Variants in RB1 observed in about 807,000 individuals in gnomAD.
RB1 encodes the protein retinoblastoma-associated protein.
In RB1, 18 loss-of-function variants were observed where a neutral mutation model predicts 135.4. The observed-to-expected ratio is 0.13, with a 90% CI of 0.09 to 0.20. The LOEUF (loss-of-function observed/expected upper bound fraction) is 0.20. RB1 is among the 10% of genes least tolerant of loss of function. RB1 has a pLI of 1.00. For missense variants in RB1, 868 were observed against 1,110.0 expected (o/e 0.78, Z 3.10); for synonymous variants, 365 against 373.2 (o/e 0.98, Z 0.25).
chr13:48,349,789 A>G (rs1316888442), intron 6 of RB1, among the ~76,000 whole-genome samples: 2 of 152,048 alleles, frequency 1.3e-5, no homozygotes, highest in Non-Finnish European at 2.9e-5. Context: ...TCTGTTTCCT[A>G]CAAGAAACAC....
intron 2 of RB1, among the ~76,000 whole-genome samples, chr13:48,312,589 G>T (rs1269280861): frequency 6.6e-6 from 1 of 152,076 alleles, no homozygotes; most frequent in Non-Finnish European, 1.5e-5. Flanking sequence ...CTGTCCATAG[G>T]ACTAATTAAA....
intron 6 of RB1, among the ~76,000 whole-genome samples, chr13:48,351,551 G>A (rs1952547903): frequency 6.6e-6 from 1 of 152,004 alleles, no homozygotes; most frequent in Non-Finnish European, 1.5e-5. Context: ...TTACTCTGTT[G>A]ATTGTTTCTT....
chr13:48,321,626 C>T (rs559499316), intron 2 of RB1, among the ~76,000 whole-genome samples: 3 of 152,114 alleles, frequency 2.0e-5, no homozygotes, highest in South Asian at 2.1e-4. Context: ...GAAGCCAAGG[C>T]GGGTGGATCA....
chr13:48,443,454 TAA>T (rs1171351533), intron 17 of RB1, among the ~76,000 whole-genome samples: 2 of 152,184 alleles, frequency 1.3e-5, no homozygotes, highest in African/African-American at 2.4e-5. Flanking sequence ...TCTAATGTAT[TAA>T]GTCACAGTTT....
chr13:48,307,835 C>T (rs1188130135), intron 2 of RB1, among the ~76,000 whole-genome samples: 2 of 151,138 alleles, frequency 1.3e-5, no homozygotes, highest in African/African-American at 4.8e-5. Flanking sequence ...TGCACTCCAG[C>T]CTGGCAACAG....
rs745822791 is a variant in RB1, at chr13:48,304,018, G to A, written c.106G>A (p.Asp36Asn). The A allele has an allele frequency of 4.2e-5, 62 of 1,472,050 alleles. No homozygotes were observed. The highest frequency in any genetic ancestry group is 7.5e-5 in the Admixed American group (3 of 40,254). The allele number at this position is 1,472,050 out of a possible 1,614,324, so 91.2% of individuals were successfully genotyped here. A position where few individuals can be genotyped will look rare whatever the true frequency, so the allele number is the denominator to read the frequency against. ...PPPPEEDPEQ[D>N]SGPEDLPLVR... ...CCCTCCTGAGGAGGACCCAGAGCAGGACAGCGGCCCGGAGGACCTGCCTCT... is the reference window on the plus strand; with the variant it reads ...CCCTCCTGAGGAGGACCCAGAGCAGAACAGCGGCCCGGAGGACCTGCCTCT... Residue 36 changes from aspartate to asparagine, a missense_variant, in exon 1 of 27, where the codon GAC (aspartate) becomes AAC (asparagine). Asp to Asn is a conservative substitution (Grantham distance 23). Coordinates refer to ENST00000267163, the MANE Select transcript of RB1 (RefSeq NM_000321.3).
chr13:48,327,816 C>G (rs565836448), intron 2 of RB1, among the ~76,000 whole-genome samples: 4 of 152,084 alleles, frequency 2.6e-5, no homozygotes, highest in Admixed American at 2.6e-4. Flanking sequence ...TAAAAAGGTA[C>G]CATTTCTGAT....
At chr13:48,445,953 G>A (rs76362846) in intron 17 of RB1, among the ~76,000 whole-genome samples, 1 of 151,958 alleles carries the variant, frequency 6.6e-6, no homozygotes, top group Non-Finnish European at 1.5e-5. Flanking sequence ...AACTAAGAAG[G>A]TTCCCTTTAT....
At chr13:48,349,626 G>A (rs1952528991) in intron 6 of RB1, among the ~76,000 whole-genome samples, 2 of 151,940 alleles carry the variant, frequency 1.3e-5, no homozygotes, top group South Asian at 2.1e-4. Flanking sequence ...AAAGAAAGAA[G>A]GAAGAGAAGA....
At chr13:48,324,215 C>A (rs1448961530) in intron 2 of RB1, among the ~76,000 whole-genome samples, 1 of 151,968 alleles carries the variant, frequency 6.6e-6, no homozygotes, top group East Asian at 1.9e-4. Flanking sequence ...CATTCCAATT[C>A]TAATCTTTTA....
chr13:48,333,133 A>G (rs1952351289), intron 2 of RB1: 1 of 397,994 alleles, frequency 2.5e-6, no homozygotes, highest in Non-Finnish European at 4.4e-6. Context: ...TAGATGTATC[A>G]AAATATCACA....
chr13:48,328,338 C>T (rs1014500700), intron 2 of RB1: 52 of 1,578,946 alleles, frequency 3.3e-5, no homozygotes, highest in Non-Finnish European at 4.0e-5. Context: ...TTTAGGCTTA[C>T]TTGATCCAAG....
chr13:48,314,082 TGTA>T (rs1265038660), intron 2 of RB1, among the ~76,000 whole-genome samples: 1 of 152,200 alleles, frequency 6.6e-6, no homozygotes, highest in African/African-American at 2.4e-5. Flanking sequence ...CATACTGTTT[TGTA>T]GTATGTTTTA....
At chr13:48,358,989 A>G (rs896260131) in intron 6 of RB1, among the ~76,000 whole-genome samples, 29 of 152,258 alleles carry the variant, frequency 1.9e-4, no homozygotes, top group African/African-American at 6.3e-4. Context: ...TAGAAAACCT[A>G]TAAAGATGCA....
chr13:48,368,133 T>G (rs962593504), intron 10 of RB1, among the ~76,000 whole-genome samples: 4 of 152,174 alleles, frequency 2.6e-5, no homozygotes, highest in Non-Finnish European at 1.5e-5. Context: ...TTAAACACAG[T>G]AAAATGTTTT....
In RB1 at chr13:48,303,944, C is replaced by G. The variant is rs899323337; in HGVS notation, c.32C>G (p.Ala11Gly). The change falls in exon 1 of 27, where the codon GCC becomes GGC. Residue 11 changes from alanine (A) to glycine (G), a missense_variant. Ala to Gly is a moderately conservative substitution (Grantham distance 60). Transcript: ENST00000267163. MPPKTPRKTA[A>G]TAAAAAAEPP... ...CCCAAAACCCCCCGAAAAACGGCCG[C>G]CACCGCCGCCGCTGCCGCCGCGGAA... 4 of 1,509,624 alleles carry G rather than the reference C, an allele frequency of 2.6e-6. No individual in the cohort carries two copies. The highest frequency in any genetic ancestry group is 2.3e-4 in the Middle Eastern group (1 of 4,302). The allele number at this position is 1,509,624 out of a possible 1,614,324, so 93.5% of individuals were successfully genotyped here.
chr13:48,369,919 A>G (rs1046887593), intron 11 of RB1, among the ~76,000 whole-genome samples: 1 of 152,212 alleles, frequency 6.6e-6, no homozygotes, highest in Non-Finnish European at 1.5e-5. Context: ...TTAAAATTCC[A>G]TATCACAGAG....
At chr13:48,360,195 A>G (rs1952627022) in intron 7 of RB1, 68 bp downstream of exon 7, 12 of 1,601,070 alleles carry the variant, frequency 7.5e-6, no homozygotes, top group Non-Finnish European at 9.4e-6. Flanking sequence ...TCTAGTGGGT[A>G]CCAAACATGG....
chr13:48,422,487 A>G lies in RB1; in HGVS notation c.1696-30506A>G, dbSNP rs555214943. Among the ~76,000 whole-genome samples the G allele has an allele frequency of 2.6e-4, 39 of 152,328 alleles. No individual in the cohort carries two copies. The South Asian group carries it at 6.6e-3, about 26-fold the overall frequency. On this transcript the variant is annotated intron_variant, in intron 17 of 26. Transcript: ENST00000267163. ...TATGTAACAAACCTGCACGTTCTGC[A>G]CATGTATCCCAATACTTAAAGTATA...
Sources: gnomAD v4.1 joint callset for allele counts (sites outside exome capture counted in the v4.1 genomes callset) on GRCh38, gnomAD v4.1.1 for gene constraint, MANE v1.5 for transcripts, NCBI Gene and HGNC (gene_info 2026-07-23, HGNC 2026-07-21) for gene names.